The following STXBP6 variants were observed in gnomAD, a reference collection of about 807,000 sequenced individuals.
STXBP6 encodes syntaxin-binding protein 6.
A neutral mutation model predicts 26.9 loss-of-function variants in STXBP6; 21 were observed. The observed-to-expected ratio is 0.78, with a 90% CI of 0.55 to 1.12. The LOEUF is 1.12. Among genes scored for constraint, STXBP6 ranks in the 50% most tolerant of loss-of-function variants. The probability of loss-of-function intolerance (pLI) is 0.00; values close to 1 mark genes in which losing one functional copy is unlikely to be tolerated. For missense variants in STXBP6, 232 were observed against 257.9 expected, an observed-to-expected ratio of 0.90 and a Z score of 0.69; for synonymous variants, 97 against 92.6, an observed-to-expected ratio of 1.05 and a Z score of -0.27.
intron 2 of STXBP6, among the ~76,000 whole-genome samples, chr14:24,910,415 T>C (rs1566467967): frequency 6.6e-6 from 1 of 152,252 alleles, no homozygotes; most frequent in Admixed American, 6.5e-5. Context: ...TGCAGCCTGC[T>C]GCAGTGACTG....
intron 2 of STXBP6, among the ~76,000 whole-genome samples, chr14:24,935,800 A>G (rs561542496): frequency 6.6e-6 from 1 of 152,316 alleles, no homozygotes; most frequent in South Asian, 2.1e-4. Context: ...CTCCACCTAG[A>G]AAGTCTTTCT....
intron 2 of STXBP6, among the ~76,000 whole-genome samples, chr14:24,896,797 CA>C (rs917443965): frequency 6.6e-6 from 1 of 152,058 alleles, no homozygotes; most frequent in African/African-American, 2.4e-5. Context: ...AAAAGGAACA[CA>C]AGAGTTGTCA....
At chr14:24,929,338 C>T (rs569160809) in intron 2 of STXBP6, among the ~76,000 whole-genome samples, 2 of 152,334 alleles carry the variant, frequency 1.3e-5, no homozygotes, top group South Asian at 4.1e-4. Context: ...AGAGCTGAAG[C>T]TGTTTCCCCC....
chr14:24,813,924 C>T (rs2067894857), intron 5 of STXBP6, among the ~76,000 whole-genome samples: 2 of 152,202 alleles, frequency 1.3e-5, no homozygotes, highest in South Asian at 2.1e-4. Flanking sequence ...AACAAGTGTC[C>T]CCAGCCAGGT....
chr14:24,878,061 C>G (rs961965787), intron 2 of STXBP6, among the ~76,000 whole-genome samples: 5 of 152,014 alleles, frequency 3.3e-5, no homozygotes, highest in Non-Finnish European at 5.9e-5. Context: ...GCCCATTTTT[C>G]TATTGTGTTG....
rs532151343 is a variant in STXBP6, at chr14:24,825,367, G to A, written c.452-6173C>T. On this transcript the variant is annotated intron_variant, in intron 4 of 5. Coordinates refer to ENST00000323944, the MANE Select transcript of STXBP6 (RefSeq NM_001394410.1). ...TTATAGAGGCTACGGAACAGATAGC[G>A]TGCTCAATGGTGGTTTCAGAATTAT... Among the ~76,000 whole-genome samples the A allele has an allele frequency of 5.3e-5, 8 of 152,308 alleles. No homozygotes were observed. In the East Asian group the frequency reaches 7.7e-4, roughly 15 times the overall value.
chr14:24,897,544 A>T (rs1294239518), intron 2 of STXBP6, among the ~76,000 whole-genome samples: 1 of 152,076 alleles, frequency 6.6e-6, no homozygotes, highest in Non-Finnish European at 1.5e-5. Flanking sequence ...AAAAATATTA[A>T]TGTGTTTGAG....
intron 1 of STXBP6, among the ~76,000 whole-genome samples, chr14:25,034,059 C>T (rs1490920603): frequency 1.3e-5 from 2 of 152,172 alleles, no homozygotes; most frequent in Admixed American, 1.3e-4. Context: ...TCTGTCCTTT[C>T]TCCTGTTCCA....
intron 1 of STXBP6, among the ~76,000 whole-genome samples, chr14:25,027,750 G>A (rs1378056756): frequency 6.6e-6 from 1 of 152,242 alleles, no homozygotes; most frequent in African/African-American, 2.4e-5. Flanking sequence ...TAGGCCTCTT[G>A]CCCCAAACAG....
At chr14:24,833,763 A>G (rs2068529392) in intron 4 of STXBP6, among the ~76,000 whole-genome samples, 2 of 152,230 alleles carry the variant, frequency 1.3e-5, no homozygotes, top group South Asian at 4.1e-4. Flanking sequence ...TACAAAATAT[A>G]TCAAGTTGCA....
chr14:25,018,796 T>C (rs2075207421), intron 1 of STXBP6, among the ~76,000 whole-genome samples: 1 of 152,216 alleles, frequency 6.6e-6, no homozygotes, highest in Admixed American at 6.5e-5. Context: ...TCTTAGTTTA[T>C]AAAATTCTTC....
chr14:24,899,007 C>G (rs982399060), intron 2 of STXBP6, among the ~76,000 whole-genome samples: 11 of 148,520 alleles, frequency 7.4e-5, no homozygotes, highest in African/African-American at 2.9e-4. Context: ...TCTCCGTTCC[C>G]CAGAGGTTGG....
chr14:25,040,172 G>A (rs940213711), intron 1 of STXBP6, among the ~76,000 whole-genome samples: 1 of 152,152 alleles, frequency 6.6e-6, no homozygotes, highest in African/African-American at 2.4e-5. Context: ...CTGTGTGAAT[G>A]GCCTCACTCC....
intron 2 of STXBP6, among the ~76,000 whole-genome samples, chr14:24,945,450 G>A (rs2072954507): frequency 6.6e-6 from 1 of 151,992 alleles, no homozygotes; most frequent in Non-Finnish European, 1.5e-5. Flanking sequence ...CACACCTGTA[G>A]TCCCAGCTAC....
intron 2 of STXBP6, among the ~76,000 whole-genome samples, chr14:24,875,995 AC>A (rs1463446667): frequency 6.6e-6 from 1 of 152,098 alleles, no homozygotes; most frequent in Non-Finnish European, 1.5e-5. Flanking sequence ...AGTGTATAAC[AC>A]CAAACAGAGT....
At chr14:24,960,685 T>C (rs965354750) in intron 2 of STXBP6, among the ~76,000 whole-genome samples, 3 of 152,172 alleles carry the variant, frequency 2.0e-5, no homozygotes, top group Middle Eastern at 3.2e-3. Flanking sequence ...GGTCTGCACA[T>C]TTGGCCTTTA....
At chr14:24,907,762 T>C (rs1356407469) in intron 2 of STXBP6, among the ~76,000 whole-genome samples, 1 of 152,152 alleles carries the variant, frequency 6.6e-6, no homozygotes, top group Admixed American at 6.5e-5. Flanking sequence ...GACACTGATA[T>C]TAGTTCCTCT....
At chr14:24,819,335 G>A (rs775695808) in intron 4 of STXBP6, 141 bp from the exon 5 acceptor site, 6 of 959,874 alleles carry the variant, frequency 6.3e-6, no homozygotes, top group Admixed American at 2.0e-5. Context: ...GAAACAAGCC[G>A]ACATTTCTTT....
chr14:25,026,450 G>A (rs1047286666), intron 1 of STXBP6, among the ~76,000 whole-genome samples: 4 of 152,186 alleles, frequency 2.6e-5, no homozygotes, highest in Non-Finnish European at 5.9e-5. Flanking sequence ...TATGCTCCAA[G>A]TAGGATCTAG....
Sources: gnomAD v4.1 joint callset for allele counts (sites outside exome capture counted in the v4.1 genomes callset) on GRCh38, gnomAD v4.1.1 for gene constraint, MANE v1.5 for transcripts, NCBI Gene and HGNC (gene_info 2026-07-23, HGNC 2026-07-21) for gene names.